MDM2: variants seen among roughly 807,000 people sequenced by gnomAD.
MDM2 encodes the protein MDM2 proto-oncogene.
Under a neutral mutation model 64.3 loss-of-function variants are expected in MDM2, and 11 were observed. The ratio of observed to expected loss-of-function variants is 0.17; its 90% CI spans 0.11 to 0.28. The LOEUF (loss-of-function observed/expected upper bound fraction) is 0.28, where lower values mean the gene tolerates loss of function less well. MDM2 is among the 10% of genes least tolerant of loss of function. The pLI is 1.00. For synonymous variants in MDM2, 194 were observed against 192.9 expected, an observed-to-expected ratio of 1.01 and a Z score of -0.05; for missense variants, 388 against 577.1, an observed-to-expected ratio of 0.67 and a Z score of 3.36.
In MDM2 at chr12:68,844,657, CA is replaced by C. The variant is rs11296638; in HGVS notation, c.*4815del. The C allele has an allele frequency of 0.068, 15,446 of 225,820 alleles. 644 individuals carry two copies. Among genetic ancestry groups the C allele is most frequent in the African/African-American group, 0.12 (5,616 of 44,930 alleles). 14.0% of individuals were successfully genotyped at this position (225,820 alleles called of 1,614,324 possible). ...CAAATGTAAGTACATCAGAAAAAAACAAAAAAACTGGCTTTAAAGCAGGAGC... is the reference window on the plus strand; with the variant it reads ...CAAATGTAAGTACATCAGAAAAAAACAAAAAACTGGCTTTAAAGCAGGAGC... On this transcript the variant is annotated 3_prime_UTR_variant, in exon 11 of 11. Transcript: ENST00000258149.
intron 8 of MDM2, 121 bp downstream of exon 8, chr12:68,829,052 C>A: frequency 1.0e-6 from 1 of 970,688 alleles, no homozygotes; most frequent in Non-Finnish European, 1.5e-6. Flanking sequence ...AAACACAGTG[C>A]TAAATTTTAC....
intron 5 of MDM2, 79 bp from the exon 6 acceptor site, chr12:68,824,284 C>A: frequency 3.2e-6 from 3 of 949,548 alleles, no homozygotes; most frequent in Non-Finnish European, 4.9e-6. Context: ...TTGTGTTAGA[C>A]TGATAGCATA....
rs1301270871 is a variant in MDM2 at position 68,842,386 on chromosome 12, A to G, written c.*2537A>G. The G allele has an allele frequency of 2.0e-6, 1 of 492,978 alleles. No individual in the cohort carries two copies. Among genetic ancestry groups the G allele is most frequent in the African/African-American group, 1.9e-5 (1 of 51,512 alleles). 30.5% of individuals were successfully genotyped at this position (492,978 alleles called of 1,614,324 possible). A position where few individuals can be genotyped will look rare whatever the true frequency, so the allele number is the denominator to read the frequency against. On this transcript the variant is annotated 3_prime_UTR_variant, in exon 11 of 11. Coordinates refer to ENST00000258149, the MANE Select transcript of MDM2 (RefSeq NM_002392.6). ...GATGCAGACATGGCAGAGGTTTCCTAAAAATCTCATTATCTATAACCATTT... is the reference window on the plus strand; with the variant it reads ...GATGCAGACATGGCAGAGGTTTCCTGAAAATCTCATTATCTATAACCATTT...
intron 8 of MDM2, among the ~76,000 whole-genome samples, chr12:68,830,748 T>C (rs905308453): frequency 6.6e-6 from 1 of 152,228 alleles, no homozygotes; most frequent in Admixed American, 6.5e-5. Context: ...TCTCCCAGGC[T>C]GGAGTGCAGT....
intron 5 of MDM2, 68 bp downstream of exon 5, chr12:68,820,442 C>T (rs905909189): frequency 3.5e-6 from 4 of 1,154,518 alleles, no homozygotes; most frequent in Non-Finnish European, 5.1e-6. Context: ...TGTTTATGTG[C>T]ATATGTTTTA....
chr12:68,820,429 TTTTG>T (rs1881750799), intron 5 of MDM2, 55 bp downstream of exon 5: 2 of 1,369,952 alleles, frequency 1.5e-6, no homozygotes, highest in African/African-American at 1.5e-5. Flanking sequence ...TTAAAGACAT[TTTTG>T]TTTATGTGCA....
At chr12:68,822,287 A>T (rs957464491) in intron 5 of MDM2, among the ~76,000 whole-genome samples, 6 of 152,232 alleles carry the variant, frequency 3.9e-5, no homozygotes, top group African/African-American at 1.4e-4. Flanking sequence ...GTTAGGATTT[A>T]AAGCCCAGAA....
At position 68,808,300 on chromosome 12, in the gene MDM2, C is replaced by T. The variant is rs1042757841; in HGVS notation, c.-178C>T. The T allele has an allele frequency of 1.2e-5, 9 of 755,826 alleles. No homozygotes were observed. The highest frequency in any genetic ancestry group is 3.5e-5 in the African/African-American group (2 of 56,540). The allele number at this position is 755,826 out of a possible 1,614,324, so 46.8% of individuals were successfully genotyped here. ...GGCCGCGACCCCTCTGACCGAGATCCTGCTGCTTTCGCAGCCAGGAGCACC... is the reference window on the plus strand; with the variant it reads ...GGCCGCGACCCCTCTGACCGAGATCTTGCTGCTTTCGCAGCCAGGAGCACC... On this transcript the variant is annotated 5_prime_UTR_variant, in exon 1 of 11. Transcript: ENST00000258149.
the MDM2 span, chr12:68,850,660 C>A: frequency 6.6e-6 from 1 of 152,176 alleles, no homozygotes. Flanking sequence ...ACCTGGAAAT[C>A]AATAAAATTT....
rs1883680139 is a variant in MDM2, at chr12:68,840,557, A to G, written c.*708A>G. ...TTTGAGATGAGTCTCTCTGTCGCCC[A>G]GGCTGGAGTGCAGTGTCATGATCTA... On this transcript the variant is annotated 3_prime_UTR_variant, in exon 11 of 11. Transcript: ENST00000258149. 1 of 195,132 alleles carries G rather than the reference A, an allele frequency of 5.1e-6. No homozygotes were observed. The highest frequency in any genetic ancestry group is 1.1e-5 in the Non-Finnish European group (1 of 94,066). The allele number at this position is 195,132 out of a possible 1,614,324, so 12.1% of individuals were successfully genotyped here.
At chr12:68,831,103 T>G (rs1882754966) in intron 8 of MDM2, among the ~76,000 whole-genome samples, 1 of 152,224 alleles carries the variant, frequency 6.6e-6, no homozygotes, top group Non-Finnish European at 1.5e-5. Context: ...GCCTTGTTAC[T>G]GATATGGCTT....
chr12:68,832,570 C>T (rs949157193), intron 8 of MDM2, among the ~76,000 whole-genome samples: 1 of 151,982 alleles, frequency 6.6e-6, no homozygotes, highest in Non-Finnish European at 1.5e-5. Flanking sequence ...GGGAGTGCAG[C>T]GCATGATCAT....
chr12:68,835,116 T>C (rs1883201702), intron 8 of MDM2, among the ~76,000 whole-genome samples: 1 of 152,198 alleles, frequency 6.6e-6, no homozygotes, highest in Non-Finnish European at 1.5e-5. Flanking sequence ...ATTCTACCAA[T>C]TTGGACATAG....
chr12:68,813,745 A>T (rs970128991), intron 3 of MDM2, 117 bp downstream of exon 3: 1 of 693,730 alleles, frequency 1.4e-6, no homozygotes, highest in African/African-American at 1.8e-5. Flanking sequence ...AAGCAGCAAC[A>T]TTTAATTTTG....
chr12:68,828,553 G>T (rs1418184501), intron 7 of MDM2: 8 of 414,548 alleles, frequency 1.9e-5, no homozygotes, highest in Non-Finnish European at 3.6e-5. Context: ...CAGCCTGGGT[G>T]ACAGAGCAAG....
chr12:68,823,231 T>G (rs970910056), intron 5 of MDM2, among the ~76,000 whole-genome samples: 4 of 147,818 alleles, frequency 2.7e-5, no homozygotes, highest in Non-Finnish European at 4.5e-5. Flanking sequence ...ATGAGTTCAC[T>G]GTTAAGATGA....
rs1295198604 is a variant in MDM2, at chr12:68,844,776, T to A, written c.*4927T>A. The A allele has an allele frequency of 4.9e-6, 1 of 202,774 alleles. No homozygotes were observed. 12.6% of individuals were successfully genotyped at this position (202,774 alleles called of 1,614,324 possible). A position where few individuals can be genotyped will look rare whatever the true frequency, so the allele number is the denominator to read the frequency against. On this transcript the variant is annotated 3_prime_UTR_variant, in exon 11 of 11. Coordinates refer to ENST00000258149, the MANE Select transcript of MDM2 (RefSeq NM_002392.6). ...AATAAGGGTTTTATTTTATTTTTAT[T>A]TATTTTTTGAGACGGAGTCTTGCTC... is the stretch of plus-strand genomic sequence containing the variant.
intron 8 of MDM2, among the ~76,000 whole-genome samples, chr12:68,829,231 C>T (rs1210139423): frequency 2.0e-5 from 3 of 151,670 alleles, no homozygotes; most frequent in African/African-American, 4.9e-5. Context: ...ACCAATAGTA[C>T]AGTCAAATAA....
intron 8 of MDM2, among the ~76,000 whole-genome samples, chr12:68,831,824 T>G (rs1330721659): frequency 1.3e-5 from 2 of 152,174 alleles, no homozygotes; most frequent in African/African-American, 4.8e-5. Flanking sequence ...TCCCAGCACT[T>G]TGGAAGGCCC....
Sources: allele counts gnomAD v4.1 joint callset (sites outside exome capture counted in the v4.1 genomes callset), GRCh38; gene constraint gnomAD v4.1.1; transcripts MANE v1.5; gene names NCBI Gene and HGNC (gene_info 2026-07-23, HGNC 2026-07-21).